The following MTA3 variants were observed in gnomAD, a reference collection of about 807,000 sequenced individuals.
The protein encoded by MTA3 is metastasis associated 1 family member 3.
A neutral mutation model predicts 83.5 loss-of-function variants in MTA3; 34 were observed. The ratio of observed to expected loss-of-function variants is 0.41; its 90% CI spans 0.31 to 0.54. The LOEUF (loss-of-function observed/expected upper bound fraction) is 0.54, where lower values mean the gene tolerates loss of function less well. Ranked by LOEUF, MTA3 falls within the 20% of genes least tolerant of loss-of-function variation. MTA3 has a pLI of 0.33. For synonymous variants in MTA3, 303 were observed against 252.7 expected, an observed-to-expected ratio of 1.20 and a Z score of -1.89; for missense variants, 761 against 726.4, an observed-to-expected ratio of 1.05 and a Z score of -0.55.
chr2:42,647,232 CTT>C (rs1038516119), intron 6 of MTA3, among the ~76,000 whole-genome samples: 1 of 149,372 alleles, frequency 6.7e-6, no homozygotes, highest in Non-Finnish European at 1.5e-5. Flanking sequence ...CAGAGAAAAA[CTT>C]TTTTTTAGAG....
At chr2:42,727,421 T>C (rs1375052969) in intron 16 of MTA3, among the ~76,000 whole-genome samples, 1 of 152,190 alleles carries the variant, frequency 6.6e-6, no homozygotes, top group African/African-American at 2.4e-5. Flanking sequence ...ACTGTGGACA[T>C]TTTTACTGCT....
chr2:42,739,633 C>T (rs560414766), intron 16 of MTA3, among the ~76,000 whole-genome samples: 1 of 152,236 alleles, frequency 6.6e-6, no homozygotes, highest in Admixed American at 6.5e-5. Flanking sequence ...TGGACTCTTC[C>T]TTTCACGAAA....
chr2:42,658,959 G>C (rs549920921), intron 7 of MTA3, among the ~76,000 whole-genome samples: 2 of 151,044 alleles, frequency 1.3e-5, no homozygotes, highest in Non-Finnish European at 2.9e-5. Flanking sequence ...ATAGCTGGGC[G>C]TGGTGGTGCA....
chr2:42,572,227 C>T (rs765102929), intron 2 of MTA3, among the ~76,000 whole-genome samples: 1 of 151,430 alleles, frequency 6.6e-6, no homozygotes, highest in Non-Finnish European at 1.5e-5. Flanking sequence ...TGCAGTGAGC[C>T]GAGATCGCGC....
At chr2:42,661,659 T>A (rs762343456) in intron 8 of MTA3, among the ~76,000 whole-genome samples, 34 of 152,106 alleles carry the variant, frequency 2.2e-4, no homozygotes, top group Non-Finnish European at 4.3e-4. Flanking sequence ...TAAAAAATAG[T>A]ACAGCAGCAG....
At chr2:42,548,088 C>T (rs1676841827) in intron 2 of MTA3, among the ~76,000 whole-genome samples, 1 of 152,180 alleles carries the variant, frequency 6.6e-6, no homozygotes, top group African/African-American at 2.4e-5. Context: ...AGAGAGGCAA[C>T]CCCAAATAAC....
At chr2:42,584,478 A>G (rs998531303) in intron 3 of MTA3, among the ~76,000 whole-genome samples, 2 of 152,148 alleles carry the variant, frequency 1.3e-5, no homozygotes, top group Non-Finnish European at 2.9e-5. Flanking sequence ...TTATCATTCT[A>G]TATATAATGC....
chr2:42,523,994 A>C (rs1003480129), intron 2 of MTA3, among the ~76,000 whole-genome samples: 3 of 152,136 alleles, frequency 2.0e-5, no homozygotes, highest in Non-Finnish European at 4.4e-5. Flanking sequence ...AAGAAAAAAA[A>C]CCAGTAACTT....
chr2:42,668,858 C>G (rs1275357012), intron 8 of MTA3, among the ~76,000 whole-genome samples: 1 of 150,590 alleles, frequency 6.6e-6, no homozygotes, highest in African/African-American at 2.4e-5. Flanking sequence ...ATAATTTTTT[C>G]AAAAAAAAAT....
intron 4 of MTA3, among the ~76,000 whole-genome samples, chr2:42,621,553 T>G (rs1685543011): frequency 6.6e-6 from 1 of 152,210 alleles, no homozygotes; most frequent in African/African-American, 2.4e-5. Context: ...ACAGCAACAA[T>G]CTGACTTCTC....
upstream of MTA3, among the ~76,000 whole-genome samples, chr2:42,567,477 G>A (rs1572994796): frequency 6.6e-6 from 1 of 152,092 alleles, no homozygotes; most frequent in African/African-American, 2.4e-5. Flanking sequence ...ACCCAGAGTC[G>A]ACAGCACACA....
intron 4 of MTA3, among the ~76,000 whole-genome samples, chr2:42,632,659 G>A (rs1686796383): frequency 6.6e-6 from 1 of 152,038 alleles, no homozygotes; most frequent in Non-Finnish European, 1.5e-5. Context: ...CAGAATTATG[G>A]TGTCTTTGCT....
At chr2:42,747,568 A>T (rs1465591815) in intron 16 of MTA3, among the ~76,000 whole-genome samples, 1 of 150,702 alleles carries the variant, frequency 6.6e-6, no homozygotes, top group African/African-American at 2.4e-5. Context: ...TTGAAGCTTT[A>T]AGGTGCCCCA....
chr2:42,579,262 G>T, intron 3 of MTA3, 62 bp downstream of exon 3: 4 of 1,229,780 alleles, frequency 3.3e-6, no homozygotes. Context: ...TGATGAGGTG[G>T]AAACATGCTT....
intron 16 of MTA3, among the ~76,000 whole-genome samples, chr2:42,723,961 A>C (rs528469273): frequency 6.6e-6 from 1 of 152,236 alleles, no homozygotes; most frequent in South Asian, 2.1e-4. Context: ...AGGGTGAGGA[A>C]TTGAGTTTGC....
At chr2:42,586,335 A>C (rs891640061) in intron 3 of MTA3, among the ~76,000 whole-genome samples, 1 of 151,720 alleles carries the variant, frequency 6.6e-6, no homozygotes, top group Non-Finnish European at 1.5e-5. Flanking sequence ...CTGTAATCCA[A>C]GCACTTTTGG....
At chr2:42,714,476 C>T (rs888142175) in intron 14 of MTA3, among the ~76,000 whole-genome samples, 1 of 152,002 alleles carries the variant, frequency 6.6e-6, no homozygotes, top group Non-Finnish European at 1.5e-5. Context: ...TTTATCTTGA[C>T]AGGGTTCTTG....
intron 2 of MTA3, among the ~76,000 whole-genome samples, chr2:42,562,610 G>A (rs1022025150): frequency 6.6e-6 from 1 of 152,152 alleles, no homozygotes; most frequent in Non-Finnish European, 1.5e-5. Context: ...CTGCCTATTT[G>A]CACATTTGCA....
chr2:42,653,993 T>G (rs775953974), intron 6 of MTA3, among the ~76,000 whole-genome samples: 1 of 152,236 alleles, frequency 6.6e-6, no homozygotes, highest in Non-Finnish European at 1.5e-5. Context: ...GGCTTGCAAC[T>G]GTTTGATTTT....
Sources: gnomAD v4.1 joint callset for allele counts (sites outside exome capture counted in the v4.1 genomes callset) on GRCh38, gnomAD v4.1.1 for gene constraint, MANE v1.5 for transcripts, NCBI Gene and HGNC (gene_info 2026-07-23, HGNC 2026-07-21) for gene names.